Variants in TLNRD1 observed in about 807,000 individuals in gnomAD.
TLNRD1 encodes the protein talin rod domain containing 1.
In TLNRD1, 14 loss-of-function variants were observed where a neutral mutation model predicts 19.5. The ratio of observed to expected loss-of-function variants is 0.72; its 90% CI spans 0.47 to 1.12. TLNRD1 has a LOEUF of 1.12. TLNRD1 is among the 50% of genes most tolerant of loss of function. The pLI is 0.00. For synonymous variants in TLNRD1, 345 were observed against 261.7 expected (o/e 1.32, Z -3.07); for missense variants, 569 against 531.9 (o/e 1.07, Z -0.69).
rs531504975 is a variant in TLNRD1, at chr15:81,002,430, G to T, written c.159G>T (p.Leu53=). 2.7e-5 allele frequency: 42 copies of T among 1,555,106 alleles called. No homozygotes were observed. In the East Asian group the frequency reaches 9.6e-4, roughly 36 times the overall value. ...KMQLVADLLL[L]SSEARPVLFE... ...AGCTGGTGGCTGACCTGCTGCTGCT[G>T]TCGAGCGAGGCGCGGCCCGTGCTCT... The change falls in exon 1 of 1, where the codon CTG becomes CTT. Residue 53 remains leucine (L), a synonymous_variant. Transcript: ENST00000267984.
In TLNRD1 at chr15:81,003,312, G is replaced by T. The variant is rs527572667; in HGVS notation, c.1041G>T (p.Arg347Ser). 3.1e-6 allele frequency: 5 copies of T among 1,610,376 alleles called. No homozygotes were observed. The East Asian group carries it at 1.1e-4, about 36-fold the overall frequency. ...CTLLSQALRERSSPRTLPPVN... is the reference protein window; with the variant it reads ...CTLLSQALRESSSPRTLPPVN... ...TGCTATCTCAGGCTTTAAGGGAGAG[G>T]TCTTCGCCCAGGACTTTACCGCCAG... Residue 347 changes from arginine (R) to serine (S), a missense_variant, in exon 1 of 1, where the codon AGG (arginine) becomes AGT (serine). Arg to Ser is a moderately radical substitution (Grantham distance 110). Coordinates refer to ENST00000267984, the MANE Select transcript of TLNRD1 (RefSeq NM_022566.3).
In TLNRD1 at chr15:81,001,577, C is replaced by T. The variant is rs1250414718; in HGVS notation, c.-695C>T. 6.6e-6 allele frequency: 1 copy of T among 151,822 alleles called. No homozygotes were observed. Among genetic ancestry groups the T allele is most frequent in the Non-Finnish European group, 1.5e-5 (1 of 67,996 alleles). 9.4% of individuals were successfully genotyped at this position (151,822 alleles called of 1,614,324 possible). A position where few individuals can be genotyped will look rare whatever the true frequency, so the allele number is the denominator to read the frequency against. Reference sequence around the variant, plus strand: ...GACAGTGCCGGCCACACCCTCTGCCCCGCTGCCGCCGGCGCCGCTTCCCAA... The same window carrying T: ...GACAGTGCCGGCCACACCCTCTGCCTCGCTGCCGCCGGCGCCGCTTCCCAA... On this transcript the variant is annotated 5_prime_UTR_variant, in exon 1 of 1. Transcript: ENST00000267984.
chr15:81,003,594 C>A lies in TLNRD1; in HGVS notation c.*234C>A. 1 of 462,182 alleles carries A rather than the reference C, an allele frequency of 2.2e-6. No homozygotes were observed. The allele number at this position is 462,182 out of a possible 1,614,324, so 28.6% of individuals were successfully genotyped here. ...ATGCAGTAGGGACTGGAAGATATGTCATCTGCTGGTTGTGTTATCACTCCC... is the reference window on the plus strand; with the variant it reads ...ATGCAGTAGGGACTGGAAGATATGTAATCTGCTGGTTGTGTTATCACTCCC... On this transcript the variant is annotated 3_prime_UTR_variant, in exon 1 of 1. Transcript: ENST00000267984.
rs1458508729 is a variant in TLNRD1, at chr15:81,003,073, C to T, written c.802C>T (p.Pro268Ser). 1.3e-6 allele frequency: 2 copies of T among 1,549,214 alleles called. No individual in the cohort carries two copies. Among genetic ancestry groups the T allele is most frequent in the East Asian group, 2.4e-5 (1 of 41,544 alleles). Residue 268 changes from proline (P) to serine (S), a missense_variant, in exon 1 of 1, where the codon CCG (proline) becomes TCG (serine). Pro to Ser is a moderately conservative substitution (Grantham distance 74). Transcript: ENST00000267984. The part of the protein sequence containing the change: ...VSALVGFATE[P>S]QFLGRAAAVS... ...CGCCCTGGTAGGCTTCGCCACCGAG[C>T]CGCAGTTCCTGGGTCGCGCGGCAGC... is the stretch of plus-strand genomic sequence containing the variant.
rs1270727098 is a variant in TLNRD1 at position 81,004,725 on chromosome 15, T to A, written c.*1365T>A. 1 of 167,088 alleles carries A rather than the reference T, an allele frequency of 6.0e-6. No homozygotes were observed. Among genetic ancestry groups the A allele is most frequent in the Non-Finnish European group, 1.5e-5 (1 of 68,108 alleles). 10.4% of individuals were successfully genotyped at this position (167,088 alleles called of 1,614,324 possible). ...TCTTTGATTGGAATTTGGAGTAATA[T>A]TAAGGTAGTTTGTCTTTTCTGCAGA... On this transcript the variant is annotated 3_prime_UTR_variant, in exon 1 of 1. Transcript: ENST00000267984.
chr15:81,003,707 T>A lies in TLNRD1; in HGVS notation c.*347T>A, dbSNP rs1375678480. Reference sequence around the variant, plus strand: ...AGGTCATGGGTTCATTTCATTTTTGTTTTTTGTGTTTTTAATTAAAAGAAA... The same window carrying A: ...AGGTCATGGGTTCATTTCATTTTTGATTTTTGTGTTTTTAATTAAAAGAAA... On this transcript the variant is annotated 3_prime_UTR_variant, in exon 1 of 1. Coordinates refer to ENST00000267984, the MANE Select transcript of TLNRD1 (RefSeq NM_022566.3). 4.4e-6 allele frequency: 1 copy of A among 228,470 alleles called. No individual in the cohort carries two copies. Among genetic ancestry groups the A allele is most frequent in the East Asian group, 1.0e-4 (1 of 9,704 alleles). 14.2% of individuals were successfully genotyped at this position (228,470 alleles called of 1,614,324 possible). A position where few individuals can be genotyped will look rare whatever the true frequency, so the allele number is the denominator to read the frequency against.
chr15:81,002,846 A>G lies in TLNRD1; in HGVS notation c.575A>G (p.Lys192Arg), dbSNP rs768090252. Residue 192 changes from lysine (K) to arginine (R), a missense_variant, in exon 1 of 1, where the codon AAG (lysine) becomes AGG (arginine). Coordinates refer to ENST00000267984, the MANE Select transcript of TLNRD1 (RefSeq NM_022566.3). ...TCGCAGGGCCTGTCGCGCAACCTCA[A>G]GTTCCTGACGGACGCGTGCGCCCTG... ...EVSQGLSRNLKFLTDACALAS... is the reference protein window; with the variant it reads ...EVSQGLSRNLRFLTDACALAS... 13 of 1,594,834 alleles carry G rather than the reference A, an allele frequency of 8.2e-6. No individual in the cohort carries two copies. The highest frequency in any genetic ancestry group is 1.1e-5 in the Non-Finnish European group (13 of 1,177,818).
Position 81,003,285 on chromosome 15 carries a change from C to T in TLNRD1, c.1014C>T (p.Thr338=), listed in dbSNP as rs770543957. 1.9e-6 allele frequency: 3 copies of T among 1,611,740 alleles called. No individual in the cohort carries two copies. The highest frequency in any genetic ancestry group is 1.1e-5 in the South Asian group (1 of 90,542). ...NSACAVSEGC[T]LLSQALRERS... is the part of the protein sequence containing the mutation. ...CCTGCGCCGTGTCTGAAGGCTGCACCCTGCTATCTCAGGCTTTAAGGGAGA... is the reference window on the plus strand; with the variant it reads ...CCTGCGCCGTGTCTGAAGGCTGCACTCTGCTATCTCAGGCTTTAAGGGAGA... The change falls in exon 1 of 1, where the codon ACC becomes ACT. Residue 338 remains threonine (T), a synonymous_variant. Coordinates refer to ENST00000267984, the MANE Select transcript of TLNRD1 (RefSeq NM_022566.3).
rs376950584 is a variant in TLNRD1 at position 81,003,210 on chromosome 15, C to T, written c.939C>T (p.Pro313=). 3 of 1,598,128 alleles carry T rather than the reference C, an allele frequency of 1.9e-6. No homozygotes were observed. Among genetic ancestry groups the T allele is most frequent in the Non-Finnish European group, 1.7e-6 (2 of 1,172,954 alleles). ...TQCLRDLAQH[P]DGGAKMSDHR... ...GCCTCAGGGATCTGGCGCAGCACCC[C>T]GACGGGGGCGCCAAGATGTCGGACC... The change falls in exon 1 of 1, where the codon CCC becomes CCT. Residue 313 remains proline, a synonymous_variant. Transcript: ENST00000267984.
chr15:81,002,929 T>A lies in TLNRD1; in HGVS notation c.658T>A (p.Cys220Ser). The A allele has an allele frequency of 6.3e-7, 1 of 1,596,558 alleles. No individual in the cohort carries two copies. The highest frequency in any genetic ancestry group is 2.2e-5 in the East Asian group (1 of 44,766). Residue 220 changes from cysteine (C) to serine (S), a missense_variant, in exon 1 of 1, where the codon TGC (cysteine) becomes AGC (serine). Cys to Ser is a moderately radical substitution (Grantham distance 112). Transcript: ENST00000267984. Reference sequence around the variant, plus strand: ...GGAGCAGTTCAAGCTGGGCGTCAAGTGCATGAGCACCAGCGCGTCGGCGCT... The same window carrying A: ...GGAGCAGTTCAAGCTGGGCGTCAAGAGCATGAGCACCAGCGCGTCGGCGCT... ...SREQFKLGVK[C>S]MSTSASALLA...
Position 81,002,812 on chromosome 15 carries a change from C to T in TLNRD1, c.541C>T (p.Leu181=), listed in dbSNP as rs746823055. ...PLADMTPQLL[L]EVSQGLSRNL... Reference sequence around the variant, plus strand: ...GGCCGACATGACGCCGCAGCTGCTGCTGGAGGTGTCGCAGGGCCTGTCGCG... The same window carrying T: ...GGCCGACATGACGCCGCAGCTGCTGTTGGAGGTGTCGCAGGGCCTGTCGCG... The change falls in exon 1 of 1, where the codon CTG becomes TTG. Residue 181 remains leucine, a synonymous_variant. Transcript: ENST00000267984. 4.4e-6 allele frequency: 7 copies of T among 1,578,402 alleles called. No homozygotes were observed. The highest frequency in any genetic ancestry group is 1.7e-5 in the Admixed American group (1 of 57,800).
In TLNRD1 at chr15:81,002,482, G is replaced by T; in HGVS notation, c.211G>T (p.Gly71Cys). The change falls in exon 1 of 1, where the codon GGC becomes TGC. Residue 71 changes from glycine to cysteine, a missense_variant. By Grantham distance (159) the Gly-to-Cys change is radical. Transcript: ENST00000267984. Reference sequence around the variant, plus strand: ...CGAGGGCCCCGCCTCCTCTGGTGCCGGCGCCGAGTCCTTCGAGCAGTGCCG... The same window carrying T: ...CGAGGGCCCCGCCTCCTCTGGTGCCTGCGCCGAGTCCTTCGAGCAGTGCCG... Reference protein sequence around the residue: ...LFEGPASSGAGAESFEQCRDT... With the variant: ...LFEGPASSGACAESFEQCRDT... 2.7e-6 allele frequency: 4 copies of T among 1,499,598 alleles called. No individual in the cohort carries two copies. The highest frequency in any genetic ancestry group is 3.5e-6 in the Non-Finnish European group (4 of 1,127,880). The allele number at this position is 1,499,598 out of a possible 1,614,324, so 92.9% of individuals were successfully genotyped here. A position where few individuals can be genotyped will look rare whatever the true frequency, so the allele number is the denominator to read the frequency against.
At position 81,002,080 on chromosome 15, in the gene TLNRD1, C is replaced by T. The variant is rs1414287627; in HGVS notation, c.-192C>T. Reference sequence around the variant, plus strand: ...CGCGTTCTCTCGCCCTCGGGCCCACCCCGCGCCGCCCGGGCTCCCGCCGCC... The same window carrying T: ...CGCGTTCTCTCGCCCTCGGGCCCACTCCGCGCCGCCCGGGCTCCCGCCGCC... On this transcript the variant is annotated 5_prime_UTR_variant, in exon 1 of 1. Transcript: ENST00000267984. 1.9e-5 allele frequency: 10 copies of T among 517,198 alleles called. No homozygotes were observed. Among genetic ancestry groups the T allele is most frequent in the Non-Finnish European group, 2.5e-5 (9 of 355,030 alleles). 32.0% of individuals were successfully genotyped at this position (517,198 alleles called of 1,614,324 possible). A position where few individuals can be genotyped will look rare whatever the true frequency, so the allele number is the denominator to read the frequency against.
rs916319399 is a variant in TLNRD1, at chr15:81,002,063, C to A, written c.-209C>A. 5.2e-6 allele frequency: 2 copies of A among 386,152 alleles called. No individual in the cohort carries two copies. Among genetic ancestry groups the A allele is most frequent in the Non-Finnish European group, 8.4e-6 (2 of 237,088 alleles). 23.9% of individuals were successfully genotyped at this position (386,152 alleles called of 1,614,324 possible). A position where few individuals can be genotyped will look rare whatever the true frequency, so the allele number is the denominator to read the frequency against. ...TGCCCCGAAGAGCCTTCCGCGTTCT[C>A]TCGCCCTCGGGCCCACCCCGCGCCG... On this transcript the variant is annotated 5_prime_UTR_variant, in exon 1 of 1. Coordinates refer to ENST00000267984, the MANE Select transcript of TLNRD1 (RefSeq NM_022566.3).
rs2141826997 is a variant in TLNRD1 at position 81,002,689 on chromosome 15, GC to G, written c.421del (p.Gln141SerfsTer13). On this transcript the variant is annotated frameshift_variant, in exon 1 of 1. Transcript: ENST00000267984. LOFTEE classifies it high-confidence loss of function. ...TCTGGCCGCTGTGGCCACGCCGGGC[GC>G]CCAGCCCGCGCAGCCGGGCCTGGTG... The part of the protein sequence containing the change: ...AYLAAVATPG[A>X]QPAQPGLVDR... 1 of 1,470,514 alleles carries G rather than the reference GC, an allele frequency of 6.8e-7. No individual in the cohort carries two copies. The highest frequency in any genetic ancestry group is 2.6e-5 in the East Asian group (1 of 38,646). 91.1% of individuals were successfully genotyped at this position (1,470,514 alleles called of 1,614,324 possible).
In TLNRD1 at chr15:81,002,377, G is replaced by A. The variant is rs1893425662; in HGVS notation, c.106G>A (p.Val36Ile). The A allele has an allele frequency of 6.5e-7, 1 of 1,528,780 alleles. No individual in the cohort carries two copies. 94.7% of individuals were successfully genotyped at this position (1,528,780 alleles called of 1,614,324 possible). A position where few individuals can be genotyped will look rare whatever the true frequency, so the allele number is the denominator to read the frequency against. ...GCAGCCGCGGAAGAGGCTGGTATCC[G>A]TCTGCGACCACTGCAAGGGCAAGAT... The part of the protein sequence containing the change: ...SSQPRKRLVS[V>I]CDHCKGKMQL... Residue 36 changes from valine (V) to isoleucine (I), a missense_variant, in exon 1 of 1, where the codon GTC (valine) becomes ATC (isoleucine). Val to Ile is a conservative substitution (Grantham distance 29). Transcript: ENST00000267984.
At position 81,005,568 on chromosome 15, in the gene TLNRD1, T is replaced by C. The variant is rs1893479762; in HGVS notation, c.*2208T>C. On this transcript the variant is annotated 3_prime_UTR_variant, in exon 1 of 1. Coordinates refer to ENST00000267984, the MANE Select transcript of TLNRD1 (RefSeq NM_022566.3). ...GAATTGCCAGTTTTTTCCTGGACTC[T>C]TTCCTTGCAGAAGCGATTTTCAGGA... is the stretch of plus-strand genomic sequence containing the variant. 1 of 167,034 alleles carries C rather than the reference T, an allele frequency of 6.0e-6. No individual in the cohort carries two copies. The allele number at this position is 167,034 out of a possible 1,614,324, so 10.3% of individuals were successfully genotyped here.
chr15:81,002,347 A>G lies in TLNRD1; in HGVS notation c.76A>G (p.Ser26Gly). The change falls in exon 1 of 1, where the codon AGC (serine) becomes GGC (glycine). Residue 26 changes from serine (S) to glycine (G), a missense_variant. Ser to Gly is a moderately conservative substitution (Grantham distance 56, BLOSUM62 0). Transcript: ENST00000267984. ...TCCTGCGAGCGCCATCGGCGGGGCC[A>G]GCTCGCAGCCGCGGAAGAGGCTGGT... ...PAPASAIGGA[S>G]SQPRKRLVSV... 1.4e-6 allele frequency: 2 copies of G among 1,397,824 alleles called. No individual in the cohort carries two copies. Among genetic ancestry groups the G allele is most frequent in the Non-Finnish European group, 1.9e-6 (2 of 1,070,248 alleles). The allele number at this position is 1,397,824 out of a possible 1,614,324, so 86.6% of individuals were successfully genotyped here.
In TLNRD1 at chr15:81,002,804, A is replaced by T; in HGVS notation, c.533A>T (p.Gln178Leu). The T allele has an allele frequency of 6.4e-7, 1 of 1,571,540 alleles. No individual in the cohort carries two copies. Among genetic ancestry groups the T allele is most frequent in the Non-Finnish European group, 8.6e-7 (1 of 1,165,938 alleles). ...ACGCCGCTGGCCGACATGACGCCGCAGCTGCTGCTGGAGGTGTCGCAGGGC... is the reference window on the plus strand; with the variant it reads ...ACGCCGCTGGCCGACATGACGCCGCTGCTGCTGCTGGAGGTGTCGCAGGGC... The part of the protein sequence containing the change: ...RATPLADMTP[Q>L]LLLEVSQGLS... The change falls in exon 1 of 1, where the codon CAG becomes CTG. Residue 178 changes from glutamine to leucine, a missense_variant. Gln to Leu is a moderately radical substitution (Grantham distance 113). Transcript: ENST00000267984.
Sources: gnomAD v4.1 joint callset for allele counts on GRCh38, gnomAD v4.1.1 for gene constraint, MANE v1.5 for transcripts, NCBI Gene and HGNC (gene_info 2026-07-23, HGNC 2026-07-21) for gene names.